Variants in SOX5 observed in about 807,000 individuals in gnomAD.
SOX5 encodes the protein transcription factor SOX-5.
A neutral mutation model predicts 92.0 loss-of-function variants in SOX5; 9 were observed. The observed-to-expected ratio is 0.10, with a 90% CI of 0.06 to 0.17. The LOEUF (loss-of-function observed/expected upper bound fraction) is 0.17, where lower values mean the gene tolerates loss of function less well. SOX5 is among the 10% of genes least tolerant of loss of function. The pLI is 1.00. For missense variants in SOX5, 642 were observed against 944.5 expected, an observed-to-expected ratio of 0.68 and a Z score of 4.20; for synonymous variants, 344 against 336.3, an observed-to-expected ratio of 1.02 and a Z score of -0.25.
chr12:24,256,119 T>G (rs1344194913), intron 3 of SOX5, among the ~76,000 whole-genome samples: 1 of 152,190 alleles, frequency 6.6e-6, no homozygotes, highest in African/African-American at 2.4e-5. Context: ...AGCAGTGTAA[T>G]GAAAACTGAT....
intron 6 of SOX5, among the ~76,000 whole-genome samples, chr12:23,734,109 A>G (rs368446755): frequency 1.3e-5 from 2 of 152,210 alleles, no homozygotes; most frequent in Non-Finnish European, 2.9e-5. Context: ...TTTGTTACCA[A>G]TACAGCTGCT....
intron 1 of SOX5, among the ~76,000 whole-genome samples, chr12:24,448,724 G>T (rs764971638): frequency 3.9e-5 from 6 of 152,064 alleles, no homozygotes; most frequent in Non-Finnish European, 7.4e-5. Context: ...CATTTTAACT[G>T]TGGGTAGACC....
At chr12:24,500,813 C>T (rs931226056) in intron 1 of SOX5, among the ~76,000 whole-genome samples, 1 of 152,176 alleles carries the variant, frequency 6.6e-6, no homozygotes, top group African/African-American at 2.4e-5. Context: ...ACACACTTTC[C>T]ACTTCAAATT....
chr12:23,772,650 A>C (rs2094971250), intron 3 of SOX5, among the ~76,000 whole-genome samples: 1 of 152,224 alleles, frequency 6.6e-6, no homozygotes, highest in Non-Finnish European at 1.5e-5. Context: ...GTGAAGAACA[A>C]GAACTTTATA....
At chr12:23,760,042 T>A (rs2094521345) in intron 3 of SOX5, among the ~76,000 whole-genome samples, 2 of 152,086 alleles carry the variant, frequency 1.3e-5, no homozygotes, top group South Asian at 4.1e-4. Context: ...TCTAAAAGAG[T>A]CTCCTGAAAA....
At chr12:24,549,574 T>C (rs890785239) in intron 1 of SOX5, among the ~76,000 whole-genome samples, 1 of 152,202 alleles carries the variant, frequency 6.6e-6, no homozygotes, top group Non-Finnish European at 1.5e-5. Context: ...TTTTGTGCAC[T>C]GGCATGGCTT....
intron 3 of SOX5, among the ~76,000 whole-genome samples, chr12:23,789,011 T>C (rs1323256941): frequency 6.6e-6 from 1 of 151,948 alleles, no homozygotes; most frequent in Non-Finnish European, 1.5e-5. Context: ...GAATCTTTTC[T>C]TCAGAGAGCA....
At chr12:23,805,684 A>G (rs1165128731) in intron 3 of SOX5, among the ~76,000 whole-genome samples, 1 of 152,204 alleles carries the variant, frequency 6.6e-6, no homozygotes, top group Non-Finnish European at 1.5e-5. Context: ...ATATGTTAGA[A>G]ATCTAGAGGA....
chr12:24,357,074 C>A (rs891171992), intron 2 of SOX5, among the ~76,000 whole-genome samples: 3 of 152,152 alleles, frequency 2.0e-5, no homozygotes, highest in Non-Finnish European at 4.4e-5. Flanking sequence ...TTCTATAGAG[C>A]AAACTTTGAA....
chr12:23,914,585 A>G (rs1194508604), intron 1 of SOX5, among the ~76,000 whole-genome samples: 2 of 152,152 alleles, frequency 1.3e-5, no homozygotes, highest in African/African-American at 4.8e-5. Context: ...ACCAATAATA[A>G]CAACAAAATA....
chr12:23,917,696 T>C (rs1445730505), intron 1 of SOX5, among the ~76,000 whole-genome samples: 2 of 152,242 alleles, frequency 1.3e-5, no homozygotes, highest in Non-Finnish European at 2.9e-5. Context: ...AAATGCTAGA[T>C]AGAGGATTCA....
rs201538958 is a variant in SOX5, at chr12:23,895,794, A to G, written c.269T>C (p.Met90Thr). Reference sequence around the variant, plus strand: ...CACAATAAACCATGAGAAACCTACCATTGTATTGTGCTGAGAAGTGGGAGT... The same window carrying G: ...CACAATAAACCATGAGAAACCTACCGTTGTATTGTGCTGAGAAGTGGGAGT... ...HRTPTSQHNT[M>T]EVDGNKVMSS... Residue 90 changes from methionine (M) to threonine (T), a missense_variant and splice_region_variant, in exon 2 of 15, where the codon ATG becomes ACG. Met to Thr is a moderately conservative substitution (Grantham distance 81). Coordinates refer to ENST00000451604, the MANE Select transcript of SOX5 (RefSeq NM_006940.6). 1 of 1,600,544 alleles carries G rather than the reference A, an allele frequency of 6.2e-7. No individual in the cohort carries two copies. The highest frequency in any genetic ancestry group is 2.2e-5 in the East Asian group (1 of 44,804).
chr12:24,113,183 T>C (rs1228718061), intron 4 of SOX5, among the ~76,000 whole-genome samples: 4 of 149,148 alleles, frequency 2.7e-5, no homozygotes, highest in Middle Eastern at 3.5e-3. Context: ...TATTTGAATA[T>C]GTAAATGCTC....
At chr12:23,668,978 A>G (rs1214779992) in intron 6 of SOX5, among the ~76,000 whole-genome samples, 3 of 152,282 alleles carry the variant, frequency 2.0e-5, no homozygotes, top group Non-Finnish European at 4.4e-5. Context: ...GAAACATTCA[A>G]TGGCTTCAAG....
chr12:24,558,717 C>G (rs1367205221), intron 1 of SOX5, among the ~76,000 whole-genome samples: 1 of 152,194 alleles, frequency 6.6e-6, no homozygotes, highest in African/African-American at 2.4e-5. Context: ...TCAGAAATCC[C>G]TCTCATAAAT....
intron 1 of SOX5, among the ~76,000 whole-genome samples, chr12:24,473,258 A>C (rs545163689): frequency 6.7e-5 from 10 of 149,288 alleles, no homozygotes; most frequent in Admixed American, 6.7e-5. Flanking sequence ...CTCCAAGAGG[A>C]AAAAAAAAAG....
chr12:24,175,687 A>G (rs1208997255), intron 4 of SOX5, among the ~76,000 whole-genome samples: 1 of 152,088 alleles, frequency 6.6e-6, no homozygotes, highest in East Asian at 1.9e-4. Flanking sequence ...TTCCCTGTCC[A>G]TCTCCAGTGG....
chr12:23,717,470 C>T (rs964433619), intron 6 of SOX5, among the ~76,000 whole-genome samples: 7 of 152,122 alleles, frequency 4.6e-5, no homozygotes, highest in African/African-American at 7.2e-5. Context: ...TGCTCTTTCA[C>T]TTTTGGGAAG....
chr12:24,543,102 A>T (rs893171394), intron 1 of SOX5, among the ~76,000 whole-genome samples: 3 of 152,208 alleles, frequency 2.0e-5, no homozygotes, highest in African/African-American at 7.2e-5. Context: ...TTAAGATTCT[A>T]TGCATTTGTG....
Sources: allele counts gnomAD v4.1 joint callset (sites outside exome capture counted in the v4.1 genomes callset), GRCh38; gene constraint gnomAD v4.1.1; transcripts MANE v1.5; gene names NCBI Gene and HGNC (gene_info 2026-07-23, HGNC 2026-07-21).